The following NKAIN3 variants were observed in gnomAD, a reference collection of about 807,000 sequenced individuals.
NKAIN3 encodes the protein sodium/potassium transporting ATPase interacting 3.
A neutral mutation model predicts 30.2 loss-of-function variants in NKAIN3; 25 were observed. The ratio of observed to expected loss-of-function variants is 0.83; its 90% CI spans 0.60 to 1.16. The LOEUF is 1.16. Ranked by LOEUF, NKAIN3 falls within the 50% of genes most tolerant of loss-of-function variation. NKAIN3 has a pLI of 0.00. For synonymous variants in NKAIN3, 91 were observed against 89.6 expected, an observed-to-expected ratio of 1.02 and a Z score of -0.09; for missense variants, 225 against 254.1, an observed-to-expected ratio of 0.89 and a Z score of 0.78.
chr8:62,900,651 C>A (rs935845737), intron 4 of NKAIN3, among the ~76,000 whole-genome samples: 1 of 152,144 alleles, frequency 6.6e-6, no homozygotes, highest in Non-Finnish European at 1.5e-5. Flanking sequence ...AAAATAGTAT[C>A]CAACTAAACC....
At chr8:62,936,757 T>G (rs1466906869) in intron 5 of NKAIN3, among the ~76,000 whole-genome samples, 1 of 152,138 alleles carries the variant, frequency 6.6e-6, no homozygotes, top group African/African-American at 2.4e-5. Context: ...CCCATAAAAT[T>G]CTGTCCTAAT....
At chr8:62,758,659 T>G (rs1816538322) in intron 4 of NKAIN3, among the ~76,000 whole-genome samples, 1 of 152,072 alleles carries the variant, frequency 6.6e-6, no homozygotes, top group Non-Finnish European at 1.5e-5. Context: ...CAGAGCTGGG[T>G]TGACAGAGTA....
At chr8:62,284,726 C>G (rs1813316522) in intron 1 of NKAIN3, among the ~76,000 whole-genome samples, 1 of 152,008 alleles carries the variant, frequency 6.6e-6, no homozygotes, top group Non-Finnish European at 1.5e-5. Context: ...ACAAAGCACT[C>G]TGGGTAGAAA....
chr8:62,486,339 C>T (rs377625611), intron 1 of NKAIN3, among the ~76,000 whole-genome samples: 10 of 151,890 alleles, frequency 6.6e-5, no homozygotes, highest in African/African-American at 1.9e-4. Context: ...CAAAGAAGAA[C>T]GATCTTATAA....
intron 3 of NKAIN3, among the ~76,000 whole-genome samples, chr8:62,606,333 A>G (rs573692409): frequency 5.3e-5 from 8 of 152,252 alleles, no homozygotes; most frequent in Non-Finnish European, 8.8e-5. Context: ...CTAGTCTACT[A>G]GTGTTCCTTT....
intron 4 of NKAIN3, among the ~76,000 whole-genome samples, chr8:62,774,387 T>C (rs940886490): frequency 6.6e-6 from 1 of 152,216 alleles, no homozygotes; most frequent in South Asian, 2.1e-4. Context: ...CCAATTTGGA[T>C]GCCCTTTATT....
chr8:62,286,055 A>G (rs7832309), intron 1 of NKAIN3, among the ~76,000 whole-genome samples: 9,481 of 152,244 alleles, frequency 0.062, 985 homozygotes, highest in African/African-American at 0.21. Flanking sequence ...TACGTATATT[A>G]TAGGCACTCA....
chr8:62,816,196 T>A (rs950596068), intron 4 of NKAIN3, among the ~76,000 whole-genome samples: 1 of 152,208 alleles, frequency 6.6e-6, no homozygotes, highest in African/African-American at 2.4e-5. Flanking sequence ...TACTTTTTCC[T>A]GTAGATGTGT....
chr8:62,408,742 C>A (rs1235882847), intron 1 of NKAIN3, among the ~76,000 whole-genome samples: 1 of 152,112 alleles, frequency 6.6e-6, no homozygotes, highest in East Asian at 1.9e-4. Flanking sequence ...CATGTCCAAA[C>A]AGCATTATGG....
chr8:62,466,659 T>C (rs1806173930), intron 1 of NKAIN3, among the ~76,000 whole-genome samples: 1 of 152,194 alleles, frequency 6.6e-6, no homozygotes. Flanking sequence ...TTTGCTGCAA[T>C]GTCATCACAC....
intron 4 of NKAIN3, among the ~76,000 whole-genome samples, chr8:62,865,713 G>T (rs1820395977): frequency 1.3e-5 from 2 of 152,086 alleles, no homozygotes; most frequent in African/African-American, 4.8e-5. Context: ...TTATCAAGTT[G>T]GAACCAAGAA....
At chr8:62,689,519 C>G (rs988776434) in intron 3 of NKAIN3, among the ~76,000 whole-genome samples, 1 of 152,140 alleles carries the variant, frequency 6.6e-6, no homozygotes, top group African/African-American at 2.4e-5. Context: ...GCACTCTTTA[C>G]CCCATTAATA....
At chr8:62,660,007 G>T (rs1038787154) in intron 3 of NKAIN3, among the ~76,000 whole-genome samples, 1 of 152,076 alleles carries the variant, frequency 6.6e-6, no homozygotes, top group African/African-American at 2.4e-5. Context: ...TTTGTATATT[G>T]CCCAGTCTCA....
chr8:62,885,451 T>C (rs1300064733), intron 4 of NKAIN3, among the ~76,000 whole-genome samples: 2 of 152,352 alleles, frequency 1.3e-5, no homozygotes, highest in East Asian at 3.9e-4. Context: ...AGAATGTATA[T>C]TCTACTGTTG....
chr8:62,342,624 C>T (rs1010764515), intron 1 of NKAIN3, among the ~76,000 whole-genome samples: 3 of 152,028 alleles, frequency 2.0e-5, no homozygotes, highest in African/African-American at 4.8e-5. Flanking sequence ...TCTTAGGGCT[C>T]TTGATGTTTC....
intron 4 of NKAIN3, among the ~76,000 whole-genome samples, chr8:62,860,817 A>G (rs2130787347): frequency 6.6e-6 from 1 of 152,350 alleles, no homozygotes; most frequent in East Asian, 1.9e-4. Flanking sequence ...ATAACCAAGG[A>G]TAAGACAGCC....
chr8:62,895,762 G>A (rs1821411080), intron 4 of NKAIN3, among the ~76,000 whole-genome samples: 1 of 152,096 alleles, frequency 6.6e-6, no homozygotes, highest in Non-Finnish European at 1.5e-5. Flanking sequence ...CTTCCCTAAT[G>A]TCGTGGGCTG....
intron 4 of NKAIN3, among the ~76,000 whole-genome samples, chr8:62,838,019 C>T (rs17181223): frequency 2.6e-5 from 4 of 151,588 alleles, no homozygotes; most frequent in African/African-American, 4.9e-5. Flanking sequence ...TCTTTTAATG[C>T]GTAAAAACTT....
At chr8:62,292,800 G>T (rs1434890626) in intron 1 of NKAIN3, among the ~76,000 whole-genome samples, 3 of 152,080 alleles carry the variant, frequency 2.0e-5, no homozygotes, top group African/African-American at 7.2e-5. Flanking sequence ...GGTTGGGGAA[G>T]TTGTGGATAA....
Sources: gnomAD v4.1 joint callset for allele counts (sites outside exome capture counted in the v4.1 genomes callset) on GRCh38, gnomAD v4.1.1 for gene constraint, MANE v1.5 for transcripts, NCBI Gene and HGNC (gene_info 2026-07-23, HGNC 2026-07-21) for gene names.